Variants in AMZ2 observed in about 807,000 individuals in gnomAD.
AMZ2 encodes the protein archaemetzincin-2.
Under a neutral mutation model 36.7 loss-of-function variants are expected in AMZ2, and 26 were observed. That is an observed-to-expected ratio of 0.71 (90% CI 0.52 to 0.98). The LOEUF (loss-of-function observed/expected upper bound fraction) is 0.98. Among genes scored for constraint, AMZ2 ranks in the 50% least tolerant of loss-of-function variants. AMZ2 has a pLI of 0.00. For synonymous variants in AMZ2, 144 were observed against 149.1 expected (o/e 0.97, Z 0.25); for missense variants, 394 against 430.5 (o/e 0.92, Z 0.75).
chr17:68,246,850 G>A (rs1555735709), upstream of AMZ2: 2 of 152,242 alleles, frequency 1.3e-5, no homozygotes, highest in Non-Finnish European at 1.5e-5. Flanking sequence ...GTCTTTCCTT[G>A]AGACTGGGAA....
chr17:68,230,727 T>A (rs2073638526), intron 1 of AMZ2, among the ~76,000 whole-genome samples: 1 of 152,170 alleles, frequency 6.6e-6, no homozygotes, highest in African/African-American at 2.4e-5. Context: ...GGGGGCATCT[T>A]GGAGGGCCTC....
chr17:68,224,798 C>T (rs1450840347), intron 1 of AMZ2, among the ~76,000 whole-genome samples: 3 of 151,576 alleles, frequency 2.0e-5, no homozygotes, highest in African/African-American at 4.8e-5. Flanking sequence ...TTTTCACTCC[C>T]TTTTTTTTGC....
upstream of AMZ2, among the ~76,000 whole-genome samples, chr17:68,242,983 G>C (rs182481820): frequency 1.4e-3 from 217 of 149,878 alleles, no homozygotes; most frequent in African/African-American, 5.0e-3. Flanking sequence ...GGTCCAGGCT[G>C]CAGTGAGCCG....
At chr17:68,227,991 A>C (rs1555730303) in intron 1 of AMZ2, among the ~76,000 whole-genome samples, 1 of 151,938 alleles carries the variant, frequency 6.6e-6, no homozygotes, top group Admixed American at 6.6e-5. Context: ...GGGGAGGGAG[A>C]CATTTCCAGC....
chr17:68,217,442 G>A (rs1265208034), intron 1 of AMZ2, among the ~76,000 whole-genome samples: 1 of 152,160 alleles, frequency 6.6e-6, no homozygotes, highest in African/African-American at 2.4e-5. Flanking sequence ...CAGGCAAATA[G>A]GATTATCTTT....
upstream of AMZ2, among the ~76,000 whole-genome samples, chr17:68,245,241 GTTTA>G (rs546889097): frequency 3.7e-3 from 556 of 151,108 alleles, 2 homozygotes; most frequent in African/African-American, 0.013. Flanking sequence ...GCACTAAGGT[GTTTA>G]TTTGTTTATT....
chr17:68,226,109 G>A (rs1316463637), intron 1 of AMZ2, among the ~76,000 whole-genome samples: 5 of 152,086 alleles, frequency 3.3e-5, no homozygotes, highest in African/African-American at 1.2e-4. Flanking sequence ...ACAAACCCTG[G>A]CAAATCCGAC....
rs1440427493 is a variant in AMZ2, at chr17:68,235,495, C to T, written c.-66-13145C>T. On this transcript the variant is annotated intron_variant, in intron 1 of 7. Transcript: ENST00000674770. This position sits in a 1 kb window ranked among gnomAD's most constrained non-coding sequence, Gnocchi z 4.2. ...ACCCAAGTCCACAGACCGTGGAGTTCGCGCCCTCTCACTGTGGCACACGGG... is the reference window on the plus strand; with the variant it reads ...ACCCAAGTCCACAGACCGTGGAGTTTGCGCCCTCTCACTGTGGCACACGGG... 3.3e-5 allele frequency among the ~76,000 whole-genome samples: 5 copies of T among 152,132 alleles called. No individual in the cohort carries two copies. Among genetic ancestry groups the T allele is most frequent in the East Asian group, 1.9e-4 (1 of 5,178 alleles).
At chr17:68,256,047 C>G (rs2074883147) in intron 6 of AMZ2, among the ~76,000 whole-genome samples, 171 bp downstream of exon 6, 1 of 152,202 alleles carries the variant, frequency 6.6e-6, no homozygotes, top group African/African-American at 2.4e-5. Context: ...TTAAAAACTT[C>G]AGCTTGCCTT....
intron 1 of AMZ2, among the ~76,000 whole-genome samples, chr17:68,224,018 T>C (rs567312594): frequency 6.6e-6 from 1 of 151,784 alleles, no homozygotes; most frequent in African/African-American, 2.4e-5. Flanking sequence ...GCCTCCCGAG[T>C]AGCTGGGACT....
chr17:68,248,073 G>A lies in AMZ2; in HGVS notation c.-633G>A, dbSNP rs554181369. 1 of 986,262 alleles carries A rather than the reference G, an allele frequency of 1.0e-6. No homozygotes were observed. Among genetic ancestry groups the A allele is most frequent in the Admixed American group, 6.1e-5 (1 of 16,292 alleles). 61.1% of individuals were successfully genotyped at this position (986,262 alleles called of 1,614,324 possible). A position where few individuals can be genotyped will look rare whatever the true frequency, so the allele number is the denominator to read the frequency against. ...GAAGGGACGCGGTGCGCATGCGCGTGAGGGCTGCCGCGGGTGGGTGGTATC... is the reference window on the plus strand; with the variant it reads ...GAAGGGACGCGGTGCGCATGCGCGTAAGGGCTGCCGCGGGTGGGTGGTATC... On this transcript the variant is annotated 5_prime_UTR_variant, in exon 1 of 7. Transcript: ENST00000359904.
At chr17:68,251,350 G>A (rs2074456515) in intron 4 of AMZ2, 172 bp downstream of exon 4, 1 of 713,592 alleles carries the variant, frequency 1.4e-6, no homozygotes, top group South Asian at 2.0e-5. Flanking sequence ...GATAATCTAG[G>A]TTCTGGTTGG....
intron 1 of AMZ2, among the ~76,000 whole-genome samples, chr17:68,212,060 C>A (rs187035600): frequency 6.6e-6 from 1 of 151,888 alleles, no homozygotes; most frequent in Non-Finnish European, 1.5e-5. Flanking sequence ...TGCTGATTTT[C>A]TTTTGATTTT....
intron 1 of AMZ2, chr17:68,207,317 C>CCCG (rs782087811): frequency 7.7e-6 from 1 of 130,100 alleles, no homozygotes; most frequent in South Asian, 2.7e-4. Context: ...TTAAATACCC[C>CCCG]CCCCCCACAA....
At chr17:68,247,934 G>A (rs1268825519), upstream of AMZ2, 4 of 984,596 alleles carry the variant, frequency 4.1e-6, no homozygotes, top group Non-Finnish European at 4.8e-6. Flanking sequence ...CACGCTCAGG[G>A]GCGTGGCATG....
intron 1 of AMZ2, among the ~76,000 whole-genome samples, chr17:68,221,177 G>A (rs2073346973): frequency 6.9e-6 from 1 of 145,956 alleles, no homozygotes; most frequent in African/African-American, 2.6e-5. Flanking sequence ...TGACCTCCTG[G>A]GTCAAGTGAT....
At chr17:68,243,695 T>G (rs1429168483), upstream of AMZ2, among the ~76,000 whole-genome samples, 1 of 152,216 alleles carries the variant, frequency 6.6e-6, no homozygotes, top group Middle Eastern at 3.2e-3. Flanking sequence ...AGATTCGACC[T>G]GTTTATACAC....
At chr17:68,218,444 C>T (rs1568345939) in intron 1 of AMZ2, among the ~76,000 whole-genome samples, 1 of 152,138 alleles carries the variant, frequency 6.6e-6, no homozygotes, top group African/African-American at 2.4e-5. Context: ...CAGCCTTGGC[C>T]TCCCGAAGTG....
chr17:68,229,574 A>G (rs2073609102), intron 1 of AMZ2, among the ~76,000 whole-genome samples: 1 of 152,210 alleles, frequency 6.6e-6, no homozygotes, highest in African/African-American at 2.4e-5. Context: ...TACCTTAAAA[A>G]CAACCAAAAT....
Sources: allele counts gnomAD v4.1 joint callset (sites outside exome capture counted in the v4.1 genomes callset), GRCh38; gene constraint gnomAD v4.1.1; non-coding constraint Gnocchi (gnomAD v3.1); transcripts MANE v1.5; gene names NCBI Gene and HGNC (gene_info 2026-07-23, HGNC 2026-07-21).